The following EFCAB6 variants were observed in gnomAD, a reference collection of about 807,000 sequenced individuals.
EFCAB6 encodes the protein EF-hand calcium-binding domain-containing protein 6.
EFCAB6 carries 156 observed loss-of-function variants against 169.8 expected under a neutral mutation model. The observed-to-expected ratio is 0.92, with a 90% CI of 0.81 to 1.05. The LOEUF is 1.05. EFCAB6 is among the 50% of genes least tolerant of loss of function. The pLI, the probability that EFCAB6 is intolerant of heterozygous loss-of-function variation, is 0.00. For synonymous variants in EFCAB6, 698 were observed against 676.4 expected, an observed-to-expected ratio of 1.03 and a Z score of -0.50; for missense variants, 1,800 against 1,829.1, an observed-to-expected ratio of 0.98 and a Z score of 0.29.
intron 7 of EFCAB6, among the ~76,000 whole-genome samples, chr22:43,735,431 G>A (rs950151351): frequency 6.6e-6 from 1 of 152,046 alleles, no homozygotes; most frequent in Non-Finnish European, 1.5e-5. Context: ...AGAGCCAACG[G>A]GGAGCACAGC....
At chr22:43,632,299 T>A in intron 18 of EFCAB6, 61 bp from the exon 19 acceptor site, 1 of 1,100,332 alleles carries the variant, frequency 9.1e-7, no homozygotes, top group Admixed American at 2.6e-5. Flanking sequence ...TCCTTCTTTT[T>A]TTTTTTTTTT....
At chr22:43,541,023 G>A (rs181110373) in intron 27 of EFCAB6, among the ~76,000 whole-genome samples, 13 of 152,322 alleles carry the variant, frequency 8.5e-5, no homozygotes, top group Admixed American at 8.5e-4. Context: ...TTGGTAACTG[G>A]AGGGCTTTCA....
At chr22:43,673,191 C>A (rs181367711) in intron 13 of EFCAB6, among the ~76,000 whole-genome samples, 1 of 151,800 alleles carries the variant, frequency 6.6e-6, no homozygotes, top group Non-Finnish European at 1.5e-5. Flanking sequence ...GGAAGAGAAC[C>A]GGTAGCTAGG....
At chr22:43,788,687 A>G (rs1471813907) in intron 2 of EFCAB6, among the ~76,000 whole-genome samples, 1 of 152,364 alleles carries the variant, frequency 6.6e-6, no homozygotes, top group East Asian at 1.9e-4. Flanking sequence ...TCAAAAAGTT[A>G]AACATAGAGT....
chr22:43,729,352 C>T (rs1004229473), intron 8 of EFCAB6, among the ~76,000 whole-genome samples: 11 of 152,160 alleles, frequency 7.2e-5, no homozygotes, highest in African/African-American at 2.7e-4. Context: ...CTGCCTCAGC[C>T]TCCCAAAGTG....
At chr22:43,562,692 G>C (rs182269522) in intron 26 of EFCAB6, among the ~76,000 whole-genome samples, 2 of 43,484 alleles carry the variant, frequency 4.6e-5, no homozygotes, top group African/African-American at 2.3e-4. Context: ...GCCCAGGTCA[G>C]GGGTGGGAGG....
At chr22:43,805,837 T>C (rs968757692) in intron 2 of EFCAB6, among the ~76,000 whole-genome samples, 3 of 152,182 alleles carry the variant, frequency 2.0e-5, no homozygotes, top group African/African-American at 2.4e-5. Context: ...ACATGGATTA[T>C]GCATCAATAA....
At chr22:43,627,973 T>C (rs1348687824) in intron 19 of EFCAB6, among the ~76,000 whole-genome samples, 5 of 152,112 alleles carry the variant, frequency 3.3e-5, no homozygotes, top group Non-Finnish European at 7.4e-5. Context: ...CGGAAGACAA[T>C]ACAGTGTGGC....
intron 10 of EFCAB6, among the ~76,000 whole-genome samples, chr22:43,704,351 T>C (rs2058876524): frequency 3.3e-5 from 5 of 152,148 alleles, no homozygotes; most frequent in Admixed American, 2.6e-4. Flanking sequence ...TAGGCCTGCC[T>C]CACAGGAATT....
chr22:43,647,748 A>G (rs1316317265), intron 17 of EFCAB6, among the ~76,000 whole-genome samples: 1 of 152,250 alleles, frequency 6.6e-6, no homozygotes, highest in African/African-American at 2.4e-5. Flanking sequence ...ATGTGAAGAC[A>G]TGCAGACAAA....
intron 3 of EFCAB6, among the ~76,000 whole-genome samples, chr22:43,778,097 C>T (rs928325821): frequency 6.6e-6 from 1 of 152,212 alleles, no homozygotes; most frequent in Non-Finnish European, 1.5e-5. Context: ...GGACAAGCCA[C>T]TCGTCAGAGA....
chr22:43,658,572 AG>A (rs2056859225), intron 17 of EFCAB6, among the ~76,000 whole-genome samples: 1 of 152,180 alleles, frequency 6.6e-6, no homozygotes, highest in South Asian at 2.1e-4. Flanking sequence ...CCAGGGAGAA[AG>A]GCCCTGAGAA....
At chr22:43,750,985 A>G (rs759446083) in intron 6 of EFCAB6, among the ~76,000 whole-genome samples, 5 of 152,214 alleles carry the variant, frequency 3.3e-5, no homozygotes, top group Non-Finnish European at 5.9e-5. Flanking sequence ...TGTCCAACAG[A>G]CACGCTTGTC....
chr22:43,624,737 C>T (rs764236437), intron 20 of EFCAB6, among the ~76,000 whole-genome samples: 3 of 152,212 alleles, frequency 2.0e-5, no homozygotes, highest in Non-Finnish European at 4.4e-5. Flanking sequence ...TCAAAAGGAG[C>T]ATCTGGGTCT....
intron 5 of EFCAB6, among the ~76,000 whole-genome samples, chr22:43,760,213 A>AAAAAAAAG (rs1556375811): frequency 4.3e-4 from 41 of 95,074 alleles, no homozygotes; most frequent in Admixed American, 1.0e-3. Flanking sequence ...CAAAAAAAAA[A>AAAAAAAAG]AAAAAAGAAA....
Position 43,611,639 on chromosome 22 carries a change from A to T in EFCAB6, c.2563-3039T>A, listed in dbSNP as rs1014552019. ...TGGCGAAACCCTATCTCCACAAAAA[A>T]TACCAAAAATTAGCTGAGTGTGGTG... On this transcript the variant is annotated intron_variant, in intron 21 of 31. Transcript: ENST00000262726. 3.9e-5 allele frequency among the ~76,000 whole-genome samples: 6 copies of T among 152,114 alleles called. No individual in the cohort carries two copies. In the East Asian group the frequency reaches 9.6e-4, roughly 24 times the overall value.
intron 12 of EFCAB6, among the ~76,000 whole-genome samples, chr22:43,683,266 G>A (rs1050170521): frequency 6.6e-6 from 1 of 152,176 alleles, no homozygotes; most frequent in African/African-American, 2.4e-5. Flanking sequence ...GTGAGAAAAA[G>A]CAGGTTGCAA....
At chr22:43,735,433 G>A (rs1436963301) in intron 7 of EFCAB6, among the ~76,000 whole-genome samples, 1 of 151,666 alleles carries the variant, frequency 6.6e-6, no homozygotes, top group Non-Finnish European at 1.5e-5. Flanking sequence ...AGCCAACGGG[G>A]AGCACAGCAA....
intron 6 of EFCAB6, among the ~76,000 whole-genome samples, chr22:43,749,305 C>T (rs901257486): frequency 6.6e-6 from 1 of 152,058 alleles, no homozygotes; most frequent in African/African-American, 2.4e-5. Context: ...ACTGGTGAGT[C>T]TGGGGCCTCA....
Sources: allele counts gnomAD v4.1 joint callset (sites outside exome capture counted in the v4.1 genomes callset), GRCh38; gene constraint gnomAD v4.1.1; transcripts MANE v1.5; gene names NCBI Gene and HGNC (gene_info 2026-07-23, HGNC 2026-07-21).